DXO: variants seen among roughly 807,000 people sequenced by gnomAD.
DXO encodes decapping and exoribonuclease protein.
A neutral mutation model predicts 39.8 loss-of-function variants in DXO; 42 were observed. The observed-to-expected ratio is 1.06, with a 90% CI of 0.83 to 1.37. The LOEUF is 1.37. Among genes scored for constraint, DXO ranks in the 40% most tolerant of loss-of-function variants. DXO has a pLI of 0.00. For missense variants in DXO, 495 were observed against 513.0 expected (o/e 0.96, Z 0.34); for synonymous variants, 193 against 200.4 (o/e 0.96, Z 0.31).
Position 31,971,660 on chromosome 6 carries a change from TC to T in DXO, c.15del (p.Thr6ProfsTer10). On this transcript the variant is annotated frameshift_variant, in exon 2 of 7. Coordinates refer to ENST00000337523, the MANE Select transcript of DXO (RefSeq NM_005510.4). LOFTEE classifies it high-confidence loss of function. This position sits in a 1 kb window ranked among gnomAD's most constrained non-coding sequence, Gnocchi z 4.5. Reference protein sequence around the residue: MDPRGTKRGAEKTEV... With the variant: MDPRXTKRGAEKTEV... ...TCTGTCTTCTCAGCTCCTCTCTTGG[TC>T]CCCCTGGGATCCATGAGGTCCTAAG... 1 of 1,606,484 alleles carries T rather than the reference TC, an allele frequency of 6.2e-7. No homozygotes were observed. Among genetic ancestry groups the T allele is most frequent in the Non-Finnish European group, 8.5e-7 (1 of 1,179,550 alleles).
Position 31,971,436 on chromosome 6 carries a change from G to A in DXO, c.240C>T (p.Pro80=). The change falls in exon 2 of 7, where the codon CCC becomes CCT. Residue 80 remains proline (P), a synonymous_variant. Coordinates refer to ENST00000337523, the MANE Select transcript of DXO (RefSeq NM_005510.4). This position sits in a 1 kb window ranked among gnomAD's most constrained non-coding sequence, Gnocchi z 4.5. The stretch of plus-strand genomic sequence containing the variant: ...GGTATCCGTCTCTGAGGTCAAAGTT[G>A]GGGCCTGGACCGTTAGTGGGGGGTG... ...YSPPPTNGPG[P]NFDLRDGYPD... is the part of the protein sequence containing the mutation. 1 of 1,611,698 alleles carries A rather than the reference G, an allele frequency of 6.2e-7. No homozygotes were observed. The highest frequency in any genetic ancestry group is 8.5e-7 in the Non-Finnish European group (1 of 1,178,166).
Position 31,970,524 on chromosome 6 carries a change from C to T in DXO, c.813-46G>A, listed in dbSNP as rs2151820829. 6.2e-7 allele frequency: 1 copy of T among 1,613,716 alleles called. No homozygotes were observed. The highest frequency in any genetic ancestry group is 8.5e-7 in the Non-Finnish European group (1 of 1,179,748). ...TCAGTGGGACCCCTCGTGCACCCTC[C>T]ATTCTGCCTTCACCCTCCTCCCCAA... On this transcript the variant is annotated intron_variant, in intron 4 of 6. Transcript: ENST00000337523. This position sits in a 1 kb window ranked among gnomAD's most constrained non-coding sequence, Gnocchi z 4.0.
chr6:31,971,698 T>C lies in DXO; in HGVS notation c.-6-17A>G. The stretch of plus-strand genomic sequence containing the variant: ...CATGAGGTCCTAAGACAAGCAGGGG[T>C]ACAGAGTTTCCATTCTACAGAGGAG... On this transcript the variant is annotated splice_polypyrimidine_tract_variant and intron_variant, in intron 1 of 6. Transcript: ENST00000337523. This position sits in a 1 kb window ranked among gnomAD's most constrained non-coding sequence, Gnocchi z 4.5. The C allele has an allele frequency of 6.3e-7, 1 of 1,585,508 alleles. No individual in the cohort carries two copies. The highest frequency in any genetic ancestry group is 8.5e-7 in the Non-Finnish European group (1 of 1,170,156).
Position 31,969,882 on chromosome 6 carries a change from T to G in DXO, c.1186A>C (p.Lys396Gln). The G allele has an allele frequency of 6.2e-7, 1 of 1,614,084 alleles. No homozygotes were observed. Among genetic ancestry groups the G allele is most frequent in the Non-Finnish European group, 8.5e-7 (1 of 1,180,006 alleles). Reference sequence around the variant, plus strand: ...TGCCTCCCTCTAAAGCATTACTATTTGGGAGAGGGAGTCTTGGGGGGTGAT... The same window carrying G: ...TGCCTCCCTCTAAAGCATTACTATTGGGGAGAGGGAGTCTTGGGGGGTGAT... ...LPSPPKTPSP[K>Q] Residue 396 changes from lysine to glutamine, a missense_variant, in exon 7 of 7, where the codon AAA (lysine) becomes CAA (glutamine). Physicochemically the swap from Lys to Gln is moderately conservative, Grantham distance 53 (BLOSUM62 1). Transcript: ENST00000337523. The surrounding 1 kb of genome is among the most constrained non-coding windows in gnomAD (Gnocchi z 6.1).
rs1314049504 is a variant in DXO, at chr6:31,970,629, A to G, written c.789T>C (p.Pro263=). ...ELKTSKEMHS[P]GQWRSFYRHK... ...ACCTGTAGAAACTCCTCCATTGGCC[A>G]GGGCTGTGCATCTCCTTGGAGGTCT... The change falls in exon 4 of 7, where the codon CCT becomes CCC. Residue 263 remains proline, a synonymous_variant. Coordinates refer to ENST00000337523, the MANE Select transcript of DXO (RefSeq NM_005510.4). The surrounding 1 kb of genome is among the most constrained non-coding windows in gnomAD (Gnocchi z 4.0). The G allele has an allele frequency of 1.2e-6, 2 of 1,613,108 alleles. No homozygotes were observed. The highest frequency in any genetic ancestry group is 1.7e-6 in the Non-Finnish European group (2 of 1,179,994).
In DXO at chr6:31,971,619, C is replaced by T; in HGVS notation, c.57G>A (p.Arg19=). The T allele has an allele frequency of 6.2e-7, 1 of 1,612,704 alleles. No individual in the cohort carries two copies. The highest frequency in any genetic ancestry group is 8.5e-7 in the Non-Finnish European group (1 of 1,179,992). Residue 19 remains arginine (R), a synonymous_variant, in exon 2 of 7, where the codon CGG becomes CGA. Coordinates refer to ENST00000337523, the MANE Select transcript of DXO (RefSeq NM_005510.4). The surrounding 1 kb of genome is among the most constrained non-coding windows in gnomAD (Gnocchi z 4.5). The part of the protein sequence containing the change: ...GAEKTEVAEP[R]NKLPRPAPSL... ...AAGGTGCTGGACGAGGTAGTTTGTTCCGAGGCTCAGCTACCTCTGTCTTCT... is the reference window on the plus strand; with the variant it reads ...AAGGTGCTGGACGAGGTAGTTTGTTTCGAGGCTCAGCTACCTCTGTCTTCT...
chr6:31,970,958 C>T lies in DXO; in HGVS notation c.546G>A (p.Arg182=). The T allele has an allele frequency of 6.2e-7, 1 of 1,613,034 alleles. No homozygotes were observed. The highest frequency in any genetic ancestry group is 1.3e-5 in the African/African-American group (1 of 75,040). The change falls in exon 3 of 7, where the codon CGG becomes CGA. Residue 182 remains arginine (R), a synonymous_variant. Transcript: ENST00000337523. This position sits in a 1 kb window ranked among gnomAD's most constrained non-coding sequence, Gnocchi z 4.0. ...AQRLARPPLL[R]ELMYMGYKFE... The stretch of plus-strand genomic sequence containing the variant: ...ATTTGTATCCCATGTACATAAGCTC[C>T]CGGAGGAGCGGTGGCCGAGCAAGCC...
In DXO at chr6:31,970,807, G is replaced by A. The variant is rs1773217904; in HGVS notation, c.611C>T (p.Pro204Leu). Residue 204 changes from proline to leucine, a missense_variant, in exon 4 of 7, where the codon CCA (proline) becomes CTA (leucine). Pro to Leu is a moderately conservative substitution (Grantham distance 98). Coordinates refer to ENST00000337523, the MANE Select transcript of DXO (RefSeq NM_005510.4). This position sits in a 1 kb window ranked among gnomAD's most constrained non-coding sequence, Gnocchi z 4.0. ...GGTGTTAACCTCCCCAGAGGGGTCT[G>A]GGGAGCTTCCAGGTTTGTCTGCACA... ...YMCADKPGSSPDPSGEVNTNV... is the reference protein window; with the variant it reads ...YMCADKPGSSLDPSGEVNTNV... 1.9e-6 allele frequency: 3 copies of A among 1,612,810 alleles called. No individual in the cohort carries two copies. Among genetic ancestry groups the A allele is most frequent in the Non-Finnish European group, 2.5e-6 (3 of 1,179,938 alleles).
chr6:31,970,288 CCTGTGGT>C lies in DXO; in HGVS notation c.948+48_948+54del. 6.2e-7 allele frequency: 1 copy of C among 1,613,882 alleles called. No homozygotes were observed. The highest frequency in any genetic ancestry group is 8.5e-7 in the Non-Finnish European group (1 of 1,179,912). ...GCAGGCTGTTGCCCTGGATGCTAGA[CCTGTGGT>C]CTTGGTGTTTGGGGATACGGGTGGG... On this transcript the variant is annotated intron_variant, in intron 5 of 6. Coordinates refer to ENST00000337523, the MANE Select transcript of DXO (RefSeq NM_005510.4). The surrounding 1 kb of genome is among the most constrained non-coding windows in gnomAD (Gnocchi z 4.0).
rs776061745 is a variant in DXO, at chr6:31,970,581, C to T, written c.812+25G>A. 1.4e-5 allele frequency: 23 copies of T among 1,612,568 alleles called. No individual in the cohort carries two copies. The highest frequency in any genetic ancestry group is 4.5e-5 in the East Asian group (2 of 44,870). On this transcript the variant is annotated intron_variant, in intron 4 of 6. Coordinates refer to ENST00000337523, the MANE Select transcript of DXO (RefSeq NM_005510.4). This position sits in a 1 kb window ranked among gnomAD's most constrained non-coding sequence, Gnocchi z 4.0. ...TTCCCAGCCTTCAAGCCTAAGCTCT[C>T]GCCCTGCCCACCCCGATCCTGAACC...
rs553784431 is a variant in DXO at position 31,971,084 on chromosome 6, C to T, written c.420G>A (p.Thr140=). 3 of 1,612,910 alleles carry T rather than the reference C, an allele frequency of 1.9e-6. No homozygotes were observed. The highest frequency in any genetic ancestry group is 1.3e-5 in the African/African-American group (1 of 74,972). ...AGCCCTCCTGCCGCTCATACGGTGT[C>T]GTCAGCAGTTTTGTCAGGTGCCCCC... ...TWRGHLTKLL[T]TPYERQEGWQ... is the part of the protein sequence containing the mutation. The change falls in exon 3 of 7, where the codon ACG becomes ACA. Residue 140 remains threonine (T), a synonymous_variant. Transcript: ENST00000337523. This position sits in a 1 kb window ranked among gnomAD's most constrained non-coding sequence, Gnocchi z 4.5.
rs1248561037 is a variant in DXO, at chr6:31,971,324, C to T, written c.352G>A (p.Glu118Lys). ...TGCCTACCACGCTTTGCTCACCCCT[C>T]CAACCGGCCTCGGTGTTCCAGGAGC... Reference protein sequence around the residue: ...CWLLEHRGRLEGGPGWLAEAI... With the variant: ...CWLLEHRGRLKGGPGWLAEAI... The change falls in exon 2 of 7, where the codon GAG becomes AAG. Residue 118 changes from glutamate (E) to lysine (K), a missense_variant. By Grantham distance (56) the Glu-to-Lys change is moderately conservative (BLOSUM62 1). Coordinates refer to ENST00000337523, the MANE Select transcript of DXO (RefSeq NM_005510.4). The surrounding 1 kb of genome is among the most constrained non-coding windows in gnomAD (Gnocchi z 4.5). 2 of 1,540,888 alleles carry T rather than the reference C, an allele frequency of 1.3e-6. No homozygotes were observed. Among genetic ancestry groups the T allele is most frequent in the East Asian group, 4.5e-5 (2 of 44,240 alleles).
chr6:31,970,348 CAT>C lies in DXO; in HGVS notation c.941_942del (p.Tyr314CysfsTer4). 1.2e-6 allele frequency: 2 copies of C among 1,614,014 alleles called. No individual in the cohort carries two copies. The highest frequency in any genetic ancestry group is 3.3e-4 in the Middle Eastern group (2 of 6,062). On this transcript the variant is annotated frameshift_variant, in exon 5 of 7. Transcript: ENST00000337523. LOFTEE classifies it high-confidence loss of function. The surrounding 1 kb of genome is among the most constrained non-coding windows in gnomAD (Gnocchi z 4.0). ...CTGCAACATCGTTCCCTTACCCTGA[CAT>C]ATTCAAACATCTTCATGGTAGGAAA... ...KTFPTMKMFE[Y>X]VRNDRDGWNP...
Position 31,970,898 on chromosome 6 carries a change from C to T in DXO, c.592+14G>A. 6.2e-7 allele frequency: 1 copy of T among 1,610,636 alleles called. No individual in the cohort carries two copies. The highest frequency in any genetic ancestry group is 8.5e-7 in the Non-Finnish European group (1 of 1,178,084). ...TGGGAAGGGGAAGGGGGCTATGAAG[C>T]AGGGGCAACTCACCTGCACACATGT... On this transcript the variant is annotated intron_variant, in intron 3 of 6. Coordinates refer to ENST00000337523, the MANE Select transcript of DXO (RefSeq NM_005510.4). The surrounding 1 kb of genome is among the most constrained non-coding windows in gnomAD (Gnocchi z 4.0).
Position 31,971,834 on chromosome 6 carries a change from CCT to C in DXO, c.-7+93_-7+94del, listed in dbSNP as rs1435529483. 7.5e-7 allele frequency: 1 copy of C among 1,331,224 alleles called. No homozygotes were observed. The highest frequency in any genetic ancestry group is 2.5e-5 in the East Asian group (1 of 40,364). 82.5% of individuals were successfully genotyped at this position (1,331,224 alleles called of 1,614,324 possible). A position where few individuals can be genotyped will look rare whatever the true frequency, so the allele number is the denominator to read the frequency against. ...CCACCGCGGCCAAGCTCTCATCCTG[CCT>C]CTTTCCTTGCCCTTCACCCACCCTC... is the stretch of plus-strand genomic sequence containing the variant. On this transcript the variant is annotated intron_variant, in intron 1 of 6. Transcript: ENST00000337523. This position sits in a 1 kb window ranked among gnomAD's most constrained non-coding sequence, Gnocchi z 4.5.
chr6:31,971,515 A>T lies in DXO; in HGVS notation c.161T>A (p.Leu54Gln). ...TCCATGGTACTGGCGTTGAGCATCC[A>T]GGGAGAAGCAGCCCAGTTCCGAAGG... ...RRPSELGCFS[L>Q]DAQRQYHGDA... Residue 54 changes from leucine (L) to glutamine (Q), a missense_variant, in exon 2 of 7, where the codon CTG (leucine) becomes CAG (glutamine). By Grantham distance (113) the Leu-to-Gln change is moderately radical (BLOSUM62 -2). Coordinates refer to ENST00000337523, the MANE Select transcript of DXO (RefSeq NM_005510.4). The surrounding 1 kb of genome is among the most constrained non-coding windows in gnomAD (Gnocchi z 4.5). 6.2e-7 allele frequency: 1 copy of T among 1,614,178 alleles called. No individual in the cohort carries two copies. The highest frequency in any genetic ancestry group is 8.5e-7 in the Non-Finnish European group (1 of 1,180,032).
rs778218081 is a variant in DXO at position 31,969,843 on chromosome 6, C to A, written c.*34G>T. 2 of 1,613,878 alleles carry A rather than the reference C, an allele frequency of 1.2e-6. No individual in the cohort carries two copies. Among genetic ancestry groups the A allele is most frequent in the South Asian group, 2.2e-5 (2 of 91,058 alleles). ...TAGAAATATGCTTTTATTATCTGCACACAGAGATATGACTGCCTCCCTCTA... is the reference window on the plus strand; with the variant it reads ...TAGAAATATGCTTTTATTATCTGCAAACAGAGATATGACTGCCTCCCTCTA... On this transcript the variant is annotated 3_prime_UTR_variant, in exon 7 of 7. Coordinates refer to ENST00000337523, the MANE Select transcript of DXO (RefSeq NM_005510.4). This position sits in a 1 kb window ranked among gnomAD's most constrained non-coding sequence, Gnocchi z 6.1.
Position 31,972,116 on chromosome 6 carries a change from C to T in DXO, c.-194G>A, listed in dbSNP as rs1773414948. ...AGGAGGTTGACACCAACGTGGCCAC[C>T]GGCGCCCCTCCACGCCGCCAACGAG... is the stretch of plus-strand genomic sequence containing the variant. On this transcript the variant is annotated 5_prime_UTR_variant, in exon 1 of 7. Transcript: ENST00000337523. The surrounding 1 kb of genome is among the most constrained non-coding windows in gnomAD (Gnocchi z 6.3). 2 of 1,612,938 alleles carry T rather than the reference C, an allele frequency of 1.2e-6. No individual in the cohort carries two copies. Among genetic ancestry groups the T allele is most frequent in the Admixed American group, 3.3e-5 (2 of 59,996 alleles).
Position 31,971,688 on chromosome 6 carries a change from C to A in DXO, c.-6-7G>T. The A allele has an allele frequency of 6.3e-7, 1 of 1,595,538 alleles. No homozygotes were observed. Among genetic ancestry groups the A allele is most frequent in the Non-Finnish European group, 8.5e-7 (1 of 1,175,420 alleles). On this transcript the variant is annotated splice_region_variant and splice_polypyrimidine_tract_variant and intron_variant, in intron 1 of 6. Transcript: ENST00000337523. The surrounding 1 kb of genome is among the most constrained non-coding windows in gnomAD (Gnocchi z 4.5). ...CCCTGGGATCCATGAGGTCCTAAGA[C>A]AAGCAGGGGTACAGAGTTTCCATTC...
Sources: gnomAD v4.1 joint callset for allele counts on GRCh38, gnomAD v4.1.1 for gene constraint, Gnocchi (gnomAD v3.1) non-coding constraint, MANE v1.5 for transcripts, NCBI Gene and HGNC (gene_info 2026-07-23, HGNC 2026-07-21) for gene names.